ADAMTS2: variants seen among roughly 807,000 people sequenced by gnomAD.
ADAMTS2 encodes the protein ADAM metallopeptidase with thrombospondin type 1 motif 2, also known as A disintegrin and metalloproteinase with thrombospondin motifs 2.
Under a neutral mutation model 123.0 loss-of-function variants are expected in ADAMTS2, and 50 were observed. The observed-to-expected ratio is 0.41, with a 90% CI of 0.32 to 0.51. The LOEUF is 0.51. Ranked by LOEUF, ADAMTS2 falls within the 20% of genes least tolerant of loss-of-function variation. ADAMTS2 has a pLI of 0.35. For synonymous variants in ADAMTS2, 678 were observed against 695.4 expected, an observed-to-expected ratio of 0.98 and a Z score of 0.39; for missense variants, 1,494 against 1,705.2, an observed-to-expected ratio of 0.88 and a Z score of 2.18.
intron 4 of ADAMTS2, among the ~76,000 whole-genome samples, chr5:179,192,828 G>T (rs576877021): frequency 6.6e-6 from 1 of 152,106 alleles, no homozygotes; most frequent in East Asian, 1.9e-4. Context: ...ATCTCCAGTC[G>T]CCTTCGTTTG....
chr5:179,190,616 G>C (rs993112193), intron 4 of ADAMTS2, among the ~76,000 whole-genome samples: 2 of 152,198 alleles, frequency 1.3e-5, no homozygotes, highest in Admixed American at 6.5e-5. Context: ...ACTGATTTAG[G>C]TAAAAACAAC....
chr5:179,247,638 A>T (rs990996891), intron 3 of ADAMTS2, among the ~76,000 whole-genome samples: 1 of 152,224 alleles, frequency 6.6e-6, no homozygotes, highest in Non-Finnish European at 1.5e-5. Flanking sequence ...AGAGAGGAGC[A>T]GCTTGCCACA....
Position 179,219,762 on chromosome 5 carries a change from T to A in ADAMTS2, c.689-12047A>T, listed in dbSNP as rs866567583. On this transcript the variant is annotated intron_variant, in intron 3 of 21. Transcript: ENST00000251582. ...CCTCACAGAGGTTCCCAAACACAAC[T>A]TCCCCCTCTTCACCCCAGGGCTGGG... 2.0e-5 allele frequency among the ~76,000 whole-genome samples: 3 copies of A among 152,012 alleles called. No homozygotes were observed. The East Asian group carries it at 5.8e-4, about 29-fold the overall frequency.
intron 4 of ADAMTS2, 33 bp downstream of exon 4, chr5:179,207,480 G>GCCCC: frequency 1.1e-5 from 5 of 454,414 alleles, no homozygotes; most frequent in South Asian, 4.9e-5. Flanking sequence ...GACCCTCCCC[G>GCCCC]CCCCACCCTG....
Position 179,234,078 on chromosome 5 carries a change from G to A in ADAMTS2, c.689-26363C>T, listed in dbSNP as rs1337748985. Among the ~76,000 whole-genome samples the A allele has an allele frequency of 6.6e-6, 1 of 152,122 alleles. No individual in the cohort carries two copies. Among genetic ancestry groups the A allele is most frequent in the Non-Finnish European group, 1.5e-5 (1 of 68,012 alleles). On this transcript the variant is annotated intron_variant, in intron 3 of 21. Coordinates refer to ENST00000251582, the MANE Select transcript of ADAMTS2 (RefSeq NM_014244.5). The surrounding 1 kb of genome is among the most constrained non-coding windows in gnomAD (Gnocchi z 4.7). Reference sequence around the variant, plus strand: ...GCCCTTCCACAGCCCGACTCCCCGTGGACTCTGCAGGTTTCCTAATGTCCT... The same window carrying A: ...GCCCTTCCACAGCCCGACTCCCCGTAGACTCTGCAGGTTTCCTAATGTCCT...
chr5:179,159,219 A>G (rs958798181), intron 5 of ADAMTS2, among the ~76,000 whole-genome samples: 6 of 152,124 alleles, frequency 3.9e-5, no homozygotes, highest in African/African-American at 1.4e-4. Context: ...TCTATGAGGC[A>G]CCTGTTCCGT....
Position 179,256,865 on chromosome 5 carries a change from G to T in ADAMTS2, c.688+16046C>A, listed in dbSNP as rs1417634683. 1.3e-5 allele frequency among the ~76,000 whole-genome samples: 2 copies of T among 152,276 alleles called. No individual in the cohort carries two copies. The highest frequency in any genetic ancestry group is 3.8e-4 in the East Asian group (2 of 5,196). On this transcript the variant is annotated intron_variant, in intron 3 of 21. Transcript: ENST00000251582. The surrounding 1 kb of genome is among the most constrained non-coding windows in gnomAD (Gnocchi z 4.1). ...CGAGTCAAATAAAACATTGCGGGGTGGGGCGGCGAGGCCGCCCAAGAGCTG... is the reference window on the plus strand; with the variant it reads ...CGAGTCAAATAAAACATTGCGGGGTTGGGCGGCGAGGCCGCCCAAGAGCTG...
chr5:179,156,234 G>A (rs1052405049), intron 6 of ADAMTS2, among the ~76,000 whole-genome samples: 6 of 151,890 alleles, frequency 4.0e-5, no homozygotes, highest in African/African-American at 4.8e-5. Context: ...TTCTCTCTCC[G>A]GAATCTTATT....
intron 4 of ADAMTS2, among the ~76,000 whole-genome samples, chr5:179,196,261 C>T (rs531211111): frequency 3.7e-4 from 56 of 151,844 alleles, no homozygotes; most frequent in Non-Finnish European, 5.9e-4. Flanking sequence ...TCAAAAAAAA[C>T]GGTCGTAGAA....
In ADAMTS2 at chr5:179,170,555, C is replaced by T. The variant is rs1043598938; in HGVS notation, c.975+10517G>A. Among the ~76,000 whole-genome samples the T allele has an allele frequency of 3.3e-5, 5 of 152,228 alleles. No homozygotes were observed. The East Asian group carries it at 7.7e-4, about 24-fold the overall frequency. ...ATCCCCACCATGTGCCAAACTTTGTCCCCAGAGCCCCATCGAGAATCCCTG... is the reference window on the plus strand; with the variant it reads ...ATCCCCACCATGTGCCAAACTTTGTTCCCAGAGCCCCATCGAGAATCCCTG... On this transcript the variant is annotated intron_variant, in intron 5 of 21. Transcript: ENST00000251582. This position sits in a 1 kb window ranked among gnomAD's most constrained non-coding sequence, Gnocchi z 4.3.
Position 179,154,197 on chromosome 5 carries a change from G to A in ADAMTS2, c.1239-5C>T, listed in dbSNP as rs767804420. 1.7e-5 allele frequency: 27 copies of A among 1,548,990 alleles called. No individual in the cohort carries two copies. The highest frequency in any genetic ancestry group is 3.4e-4 in the Middle Eastern group (2 of 5,940). On this transcript the variant is annotated splice_region_variant and splice_polypyrimidine_tract_variant and intron_variant, in intron 7 of 21. Coordinates refer to ENST00000251582, the MANE Select transcript of ADAMTS2 (RefSeq NM_014244.5). ...CCGTCGTGCTCCATGCCCAGCCTGC[G>A]AGGGCCGAGGCAGCTGGCTGAATCC...
At position 179,307,508 on chromosome 5, in the gene ADAMTS2, G is replaced by T. The variant is rs1756713565; in HGVS notation, c.535-34444C>A. Among the ~76,000 whole-genome samples, 1 of 152,042 alleles carries T rather than the reference G, an allele frequency of 6.6e-6. No individual in the cohort carries two copies. Among genetic ancestry groups the T allele is most frequent in the South Asian group, 2.1e-4 (1 of 4,802 alleles). On this transcript the variant is annotated intron_variant, in intron 2 of 21. Transcript: ENST00000251582. The surrounding 1 kb of genome is among the most constrained non-coding windows in gnomAD (Gnocchi z 5.6). ...CACCATCACGTATGCCAGGCTGGGA[G>T]CCCGGGCGTCCCAAGCCTGTGACCT...
chr5:179,342,664 A>T (rs1275502003), intron 2 of ADAMTS2, among the ~76,000 whole-genome samples: 1 of 152,224 alleles, frequency 6.6e-6, no homozygotes, highest in Non-Finnish European at 1.5e-5. Flanking sequence ...TTCCCTGAGT[A>T]GCAATTAGAG....
intron 2 of ADAMTS2, among the ~76,000 whole-genome samples, chr5:179,297,968 A>G (rs923285926): frequency 6.6e-6 from 1 of 151,246 alleles, no homozygotes; most frequent in Non-Finnish European, 1.5e-5. Flanking sequence ...CCTCCCACGC[A>G]CCAATGCCCA....
At chr5:179,178,165 A>G (rs2113305542) in intron 5 of ADAMTS2, among the ~76,000 whole-genome samples, 1 of 152,360 alleles carries the variant, frequency 6.6e-6, no homozygotes, top group East Asian at 1.9e-4. Flanking sequence ...GATCCTGGCC[A>G]GGAAGGGACA....
chr5:179,285,071 CTG>C lies in ADAMTS2; in HGVS notation c.535-12009_535-12008del, dbSNP rs1345539297. 6.6e-6 allele frequency among the ~76,000 whole-genome samples: 1 copy of C among 152,164 alleles called. No individual in the cohort carries two copies. The highest frequency in any genetic ancestry group is 1.5e-5 in the Non-Finnish European group (1 of 68,038). On this transcript the variant is annotated intron_variant, in intron 2 of 21. Transcript: ENST00000251582. This position sits in a 1 kb window ranked among gnomAD's most constrained non-coding sequence, Gnocchi z 4.9. ...TAAGCGAGATACTGCGTCTCTAGCA[CTG>C]GGCACAGCACGTGATAAATCAGCCG...
At chr5:179,238,947 G>A (rs1295487146) in intron 3 of ADAMTS2, among the ~76,000 whole-genome samples, 1 of 152,164 alleles carries the variant, frequency 6.6e-6, no homozygotes, top group African/African-American at 2.4e-5. Flanking sequence ...TAGAGAGGCA[G>A]GAAGTGGATG....
intron 10 of ADAMTS2, among the ~76,000 whole-genome samples, chr5:179,145,711 G>A (rs1561776856): frequency 6.6e-6 from 1 of 152,178 alleles, no homozygotes; most frequent in Admixed American, 6.5e-5. Flanking sequence ...CTGGAGTTGG[G>A]CGAGAGTAGG....
In ADAMTS2 at chr5:179,158,854, T is replaced by C; in HGVS notation, c.1001A>G (p.Asn334Ser). ...GACATTCTCCAGGCTCTGAGAGGGG[T>C]TCCCGATCTCGATGAGGCTCATGGA... ...GKSMSLIEIG[N>S]PSQSLENVCR... Residue 334 changes from asparagine to serine, a missense_variant, in exon 6 of 22, where the codon AAC (asparagine) becomes AGC (serine). Physicochemically the swap from Asn to Ser is conservative, Grantham distance 46 (BLOSUM62 1). Transcript: ENST00000251582. The surrounding 1 kb of genome is among the most constrained non-coding windows in gnomAD (Gnocchi z 5.0). 6.2e-7 allele frequency: 1 copy of C among 1,614,028 alleles called. No homozygotes were observed. Among genetic ancestry groups the C allele is most frequent in the Non-Finnish European group, 8.5e-7 (1 of 1,180,014 alleles).
Sources: gnomAD v4.1 joint callset for allele counts (sites outside exome capture counted in the v4.1 genomes callset) on GRCh38, gnomAD v4.1.1 for gene constraint, Gnocchi (gnomAD v3.1) non-coding constraint, MANE v1.5 for transcripts, NCBI Gene and HGNC (gene_info 2026-07-23, HGNC 2026-07-21) for gene names.